Variants in EYS observed in about 807,000 individuals in gnomAD.
EYS encodes EGF-like photoreceptor maintenance factor.
In EYS, 250 loss-of-function variants were observed where a neutral mutation model predicts 282.1. The observed-to-expected ratio is 0.89, with a 90% CI of 0.80 to 0.98. The LOEUF is 0.98. Ranked by LOEUF, EYS falls within the 50% of genes least tolerant of loss-of-function variation. The pLI is 0.00. For missense variants in EYS, 4,016 were observed against 3,709.0 expected, an observed-to-expected ratio of 1.08 and a Z score of -2.15; for synonymous variants, 1,355 against 1,282.9, an observed-to-expected ratio of 1.06 and a Z score of -1.20.
intron 35 of EYS, among the ~76,000 whole-genome samples, chr6:63,868,464 T>C (rs1025531309): frequency 6.6e-6 from 1 of 152,150 alleles, no homozygotes; most frequent in African/African-American, 2.4e-5. Flanking sequence ...AAATAACTCT[T>C]CTTGCACTCT....
At chr6:65,040,523 T>G (rs1271305866) in intron 13 of EYS, among the ~76,000 whole-genome samples, 5 of 151,784 alleles carry the variant, frequency 3.3e-5, no homozygotes, top group African/African-American at 4.8e-5. Flanking sequence ...GAGATGACTT[T>G]ATTTACAAAT....
intron 1 of EYS, among the ~76,000 whole-genome samples, chr6:65,671,894 CCCTA>C (rs1287667417): frequency 1.3e-5 from 2 of 152,144 alleles, no homozygotes; most frequent in African/African-American, 4.8e-5. Context: ...CTGATTTCTT[CCCTA>C]TTTGAATCTA....
At chr6:65,509,240 A>G (rs1186229830) in intron 2 of EYS, among the ~76,000 whole-genome samples, 2 of 152,218 alleles carry the variant, frequency 1.3e-5, no homozygotes, top group East Asian at 3.8e-4. Flanking sequence ...TCCTTAGAGA[A>G]TTTAAGATGG....
chr6:64,038,885 A>C (rs539296984), intron 33 of EYS, among the ~76,000 whole-genome samples: 18 of 151,808 alleles, frequency 1.2e-4, no homozygotes, highest in African/African-American at 4.1e-4. Context: ...GCTCACTGCA[A>C]CCTCCGCCTC....
At chr6:64,947,660 T>C (rs558769173) in intron 14 of EYS, among the ~76,000 whole-genome samples, 59 of 151,300 alleles carry the variant, frequency 3.9e-4, no homozygotes, top group African/African-American at 1.4e-3. Context: ...TTTCTTTTTT[T>C]TTTTTTTTGT....
At chr6:64,913,185 A>C (rs1455255693) in intron 15 of EYS, among the ~76,000 whole-genome samples, 4 of 152,140 alleles carry the variant, frequency 2.6e-5, no homozygotes, top group Admixed American at 6.6e-5. Flanking sequence ...GTGTTACTTT[A>C]TGTTAAGCAT....
intron 12 of EYS, among the ~76,000 whole-genome samples, chr6:65,086,496 G>C (rs1186897279): frequency 6.6e-6 from 1 of 151,840 alleles, no homozygotes; most frequent in Non-Finnish European, 1.5e-5. Flanking sequence ...GGAAACAAAC[G>C]CAAAACAGAA....
intron 11 of EYS, among the ~76,000 whole-genome samples, chr6:65,319,321 G>C (rs1582137540): frequency 6.6e-6 from 1 of 150,912 alleles, no homozygotes; most frequent in East Asian, 2.0e-4. Flanking sequence ...CGGAGGTTGT[G>C]GTGAGCCAAG....
At position 63,720,926 on chromosome 6, in the gene EYS, G is replaced by A. The variant is rs1768357000; in HGVS notation, c.9105C>T (p.Asn3035=). ...ATTTATTACAACAGAATGTGCCATT[G>A]TTATAGCTCATAGGCACAGAGATTC... ...GERISVPMSY[N]NGTFCCNKWH... is the part of the protein sequence containing the mutation. The change falls in exon 43 of 43, where the codon AAC becomes AAT. Residue 3035 remains asparagine, a synonymous_variant. Coordinates refer to ENST00000503581, the MANE Select transcript of EYS (RefSeq NM_001142800.2). 3 of 1,551,192 alleles carry A rather than the reference G, an allele frequency of 1.9e-6. No individual in the cohort carries two copies. Among genetic ancestry groups the A allele is most frequent in the Middle Eastern group, 1.7e-4 (1 of 5,986 alleles).
At chr6:65,584,771 T>A (rs1386936482) in intron 2 of EYS, among the ~76,000 whole-genome samples, 1 of 151,640 alleles carries the variant, frequency 6.6e-6, no homozygotes, top group African/African-American at 2.4e-5. Flanking sequence ...CATATCTTTA[T>A]AATCCATTTA....
At chr6:65,477,009 T>C (rs185587309) in intron 5 of EYS, among the ~76,000 whole-genome samples, 35 of 152,346 alleles carry the variant, frequency 2.3e-4, no homozygotes, top group Admixed American at 1.2e-3. Context: ...AAATCCAGTA[T>C]GGTATCTATT....
intron 28 of EYS, among the ~76,000 whole-genome samples, chr6:64,398,309 A>T (rs999355026): frequency 1.3e-5 from 2 of 151,936 alleles, no homozygotes; most frequent in East Asian, 3.8e-4. Flanking sequence ...TCAGTAAGAA[A>T]CTTGAACACG....
intron 28 of EYS, among the ~76,000 whole-genome samples, chr6:64,389,967 C>T (rs1228244152): frequency 6.6e-6 from 1 of 150,740 alleles, no homozygotes; most frequent in Non-Finnish European, 1.5e-5. Flanking sequence ...TTGGGAAGTG[C>T]AAGGGGTCAG....
In EYS at chr6:64,912,571, G is replaced by A; in HGVS notation, c.2554C>T (p.Leu852Phe). 2 of 1,551,196 alleles carry A rather than the reference G, an allele frequency of 1.3e-6. No homozygotes were observed. Among genetic ancestry groups the A allele is most frequent in the Non-Finnish European group, 1.7e-6 (2 of 1,146,634 alleles). Reference sequence around the variant, plus strand: ...CAAGGGTTATGAAGTAGGTCACAAAGGTTATAGCGTTGGTGGCAAAATTGT... The same window carrying A: ...CAAGGGTTATGAAGTAGGTCACAAAAGTTATAGCGTTGGTGGCAAAATTGT... Reference protein sequence around the residue: ...TGQFCHQRYNLCDLLHNPCRN... With the variant: ...TGQFCHQRYNFCDLLHNPCRN... Residue 852 changes from leucine (L) to phenylalanine (F), a missense_variant, in exon 16 of 43, where the codon CTT becomes TTT. Coordinates refer to ENST00000503581, the MANE Select transcript of EYS (RefSeq NM_001142800.2).
intron 42 of EYS, among the ~76,000 whole-genome samples, chr6:63,722,398 A>T (rs947618206): frequency 2.0e-5 from 3 of 152,080 alleles, no homozygotes; most frequent in Non-Finnish European, 4.4e-5. Flanking sequence ...CTGGTCAGGA[A>T]TTTTTTTCTG....
At chr6:63,806,066 C>T in intron 37 of EYS, 124 bp downstream of exon 37, 1 of 763,056 alleles carries the variant, frequency 1.3e-6, no homozygotes, top group Non-Finnish European at 2.1e-6. Context: ...AGGCAGAAAA[C>T]AGGAGGAGGC....
intron 22 of EYS, among the ~76,000 whole-genome samples, chr6:64,677,672 T>C (rs1226561937): frequency 1.3e-5 from 2 of 152,158 alleles, no homozygotes; most frequent in African/African-American, 4.8e-5. Flanking sequence ...AAATAAAACA[T>C]TTCTTCTAAA....
chr6:64,700,698 A>G (rs182783982), intron 22 of EYS, among the ~76,000 whole-genome samples: 6 of 152,154 alleles, frequency 3.9e-5, no homozygotes, highest in Admixed American at 6.5e-5. Context: ...GGAAAATTAC[A>G]TTACACTGAT....
intron 12 of EYS, among the ~76,000 whole-genome samples, chr6:65,074,740 A>C (rs1773997004): frequency 6.6e-6 from 1 of 151,976 alleles, no homozygotes; most frequent in African/African-American, 2.4e-5. Flanking sequence ...ATTTTGAAGA[A>C]AGTTTTAAAT....
Sources: gnomAD v4.1 joint callset for allele counts (sites outside exome capture counted in the v4.1 genomes callset) on GRCh38, gnomAD v4.1.1 for gene constraint, MANE v1.5 for transcripts, NCBI Gene and HGNC (gene_info 2026-07-23, HGNC 2026-07-21) for gene names.